The following SESTD1 variants were observed in gnomAD, a reference collection of about 807,000 sequenced individuals.
The protein encoded by SESTD1 is SEC14 domain and spectrin repeat-containing protein 1.
In SESTD1, 43 loss-of-function variants were observed where a neutral mutation model predicts 101.7. The observed-to-expected ratio is 0.42, with a 90% CI of 0.33 to 0.55. The LOEUF (loss-of-function observed/expected upper bound fraction) is 0.55. Among genes scored for constraint, SESTD1 ranks in the 20% least tolerant of loss-of-function variants. SESTD1 has a pLI of 0.07. For missense variants in SESTD1, 647 were observed against 815.1 expected (o/e 0.79, Z 2.51); for synonymous variants, 283 against 286.8 (o/e 0.99, Z 0.13).
intron 1 of SESTD1, among the ~76,000 whole-genome samples, chr2:179,230,022 C>A (rs974994926): frequency 6.9e-6 from 1 of 145,794 alleles, no homozygotes; most frequent in Non-Finnish European, 1.5e-5. Flanking sequence ...TAAAAAATAA[C>A]GTTAGGACAA....
chr2:179,190,245 C>G (rs535965388), intron 2 of SESTD1, among the ~76,000 whole-genome samples: 1 of 152,096 alleles, frequency 6.6e-6, no homozygotes, highest in Admixed American at 6.6e-5. Flanking sequence ...GAAATAAGGT[C>G]ACATACCTAT....
chr2:179,117,179 T>C (rs1233371398), intron 14 of SESTD1, among the ~76,000 whole-genome samples: 1 of 152,210 alleles, frequency 6.6e-6, no homozygotes, highest in Non-Finnish European at 1.5e-5. Context: ...TCAAATTGTT[T>C]ATCTGGTATT....
At chr2:179,229,182 A>G (rs2046937514) in intron 1 of SESTD1, among the ~76,000 whole-genome samples, 1 of 152,206 alleles carries the variant, frequency 6.6e-6, no homozygotes, top group Non-Finnish European at 1.5e-5. Context: ...ATGTCTGGTT[A>G]TGTCCATTAC....
At chr2:179,199,727 C>T (rs1238353604) in intron 1 of SESTD1, among the ~76,000 whole-genome samples, 1 of 152,136 alleles carries the variant, frequency 6.6e-6, no homozygotes, top group African/African-American at 2.4e-5. Flanking sequence ...TCAATAGATG[C>T]AGAAAAGGCC....
chr2:179,164,552 C>T, intron 5 of SESTD1, among the ~76,000 whole-genome samples: 1 of 152,166 alleles, frequency 6.6e-6, no homozygotes, highest in South Asian at 2.1e-4. Flanking sequence ...AGGTACAATG[C>T]TGCTGAAGGA....
intron 1 of SESTD1, among the ~76,000 whole-genome samples, chr2:179,260,031 T>C (rs1267546703): frequency 2.0e-5 from 3 of 152,352 alleles, no homozygotes; most frequent in African/African-American, 4.8e-5. Flanking sequence ...AGCTCCACCA[T>C]CCTATCTACT....
At chr2:179,161,336 G>A (rs1005933165) in intron 5 of SESTD1, among the ~76,000 whole-genome samples, 4 of 152,100 alleles carry the variant, frequency 2.6e-5, no homozygotes, top group Non-Finnish European at 5.9e-5. Flanking sequence ...AAAATACAAT[G>A]ATTCATCACA....
At chr2:179,155,310 A>G (rs2045607716) in intron 5 of SESTD1, among the ~76,000 whole-genome samples, 1 of 152,130 alleles carries the variant, frequency 6.6e-6, no homozygotes, top group South Asian at 2.1e-4. Context: ...TTCTCCAAAA[A>G]TGTCAAGCAA....
intron 1 of SESTD1, among the ~76,000 whole-genome samples, chr2:179,222,789 T>A (rs2046832400): frequency 6.6e-6 from 1 of 152,168 alleles, no homozygotes; most frequent in African/African-American, 2.4e-5. Context: ...AGACACAGAT[T>A]TGCCATCCTA....
intron 1 of SESTD1, among the ~76,000 whole-genome samples, chr2:179,232,086 T>C (rs2046996978): frequency 6.6e-6 from 1 of 151,930 alleles, no homozygotes; most frequent in African/African-American, 2.4e-5. Flanking sequence ...GACATCAATA[T>C]TGACCAAAAA....
intron 1 of SESTD1, among the ~76,000 whole-genome samples, chr2:179,204,977 A>G (rs2046571439): frequency 7.4e-6 from 1 of 134,860 alleles, no homozygotes; most frequent in African/African-American, 2.9e-5. Context: ...TCCTTATGGT[A>G]TATGAGCAGA....
At chr2:179,200,416 A>T (rs2046488498) in intron 1 of SESTD1, among the ~76,000 whole-genome samples, 1 of 151,940 alleles carries the variant, frequency 6.6e-6, no homozygotes. Context: ...AATTGGAAAA[A>T]ACTACTTTAA....
At chr2:179,263,313 T>C (rs1352349261) in intron 1 of SESTD1, among the ~76,000 whole-genome samples, 2 of 152,170 alleles carry the variant, frequency 1.3e-5, no homozygotes, top group Non-Finnish European at 2.9e-5. Flanking sequence ...ACCAGCTAGG[T>C]ATTGGCATAA....
At chr2:179,230,472 G>C (rs1322108842) in intron 1 of SESTD1, among the ~76,000 whole-genome samples, 1 of 151,774 alleles carries the variant, frequency 6.6e-6, no homozygotes, top group Non-Finnish European at 1.5e-5. Context: ...TTAGGAGTAT[G>C]AAAACCATCA....
At position 179,216,928 on chromosome 2, in the gene SESTD1, A is replaced by G. The variant is rs1336601891; in HGVS notation, c.-25-25062T>C. ...ATGGTGCTGGGAAAACTGACTAGCC[A>G]TATGTTGAAAGCTGAAACTGGATCC... On this transcript the variant is annotated intron_variant, in intron 1 of 17. Coordinates refer to ENST00000428443, the MANE Select transcript of SESTD1 (RefSeq NM_178123.5). Among the ~76,000 whole-genome samples the G allele has an allele frequency of 3.4e-5, 5 of 146,480 alleles. 1 individual carries two copies. The highest frequency in any genetic ancestry group is 1.0e-4 in the African/African-American group (4 of 38,650).
intron 1 of SESTD1, among the ~76,000 whole-genome samples, chr2:179,222,426 A>G (rs2046828399): frequency 6.6e-6 from 1 of 152,172 alleles, no homozygotes; most frequent in South Asian, 2.1e-4. Flanking sequence ...AATAAATGGC[A>G]TTTATTACTA....
At chr2:179,191,958 C>T (rs2046325919) in intron 1 of SESTD1, 92 bp from the exon 2 acceptor site, 6 of 800,974 alleles carry the variant, frequency 7.5e-6, no homozygotes, top group Non-Finnish European at 1.2e-5. Flanking sequence ...GTTTCTAAAC[C>T]TGAGAACTAC....
At chr2:179,146,184 G>A (rs943481498) in intron 8 of SESTD1, among the ~76,000 whole-genome samples, 1 of 152,022 alleles carries the variant, frequency 6.6e-6, no homozygotes, top group Non-Finnish European at 1.5e-5. Context: ...AGAACCTAAT[G>A]CCTGATGATC....
At chr2:179,236,387 C>G (rs1385522792) in intron 1 of SESTD1, among the ~76,000 whole-genome samples, 22 of 143,102 alleles carry the variant, frequency 1.5e-4, no homozygotes. Flanking sequence ...GCCCTAGCTA[C>G]TTGCGAGGCT....
Sources: gnomAD v4.1 joint callset for allele counts (sites outside exome capture counted in the v4.1 genomes callset) on GRCh38, gnomAD v4.1.1 for gene constraint, MANE v1.5 for transcripts, NCBI Gene and HGNC (gene_info 2026-07-23, HGNC 2026-07-21) for gene names.